The following DMD variants were observed in gnomAD, a reference collection of about 807,000 sequenced individuals.
DMD encodes mutant dystrophin.
Under a neutral mutation model 330.1 loss-of-function variants are expected in DMD, and 63 were observed. The ratio of observed to expected loss-of-function variants is 0.19; its 90% CI spans 0.16 to 0.24. DMD has a LOEUF of 0.24. Ranked by LOEUF, DMD falls within the 10% of genes least tolerant of loss-of-function variation. DMD has a pLI of 1.00. For missense variants in DMD, 3,344 were observed against 2,684.1 expected, an observed-to-expected ratio of 1.25 and a Z score of -5.43; for synonymous variants, 1,223 against 959.8, an observed-to-expected ratio of 1.27 and a Z score of -5.07.
At chrX:31,797,992 A>AT (rs1187618218) in intron 50 of DMD, among the ~76,000 whole-genome samples, 4 of 112,043 alleles carry the variant, frequency 3.6e-5, no homozygotes, top group Admixed American at 2.8e-4. Flanking sequence ...CTACTGCAAT[A>AT]TTTTTTTGTT....
intron 2 of DMD, among the ~76,000 whole-genome samples, chrX:32,882,272 C>T (rs1210492638): frequency 9.0e-6 from 1 of 111,467 alleles, no homozygotes; most frequent in African/African-American, 3.3e-5. Flanking sequence ...TAATTCTAAC[C>T]TTTTGTCTTC....
intron 44 of DMD, among the ~76,000 whole-genome samples, chrX:31,992,770 A>C (rs2095559415): frequency 8.9e-6 from 1 of 111,783 alleles, no homozygotes; most frequent in Non-Finnish European, 1.9e-5. Context: ...ACTAGAAATA[A>C]ATTAAAATTC....
intron 7 of DMD, among the ~76,000 whole-genome samples, chrX:32,780,284 C>T (rs73621830): frequency 1.8e-5 from 2 of 111,992 alleles, no homozygotes. Context: ...TACTAGAAGC[C>T]GACATTCTTA....
At chrX:32,784,981 T>G (rs939555595) in intron 7 of DMD, among the ~76,000 whole-genome samples, 2 of 111,112 alleles carry the variant, frequency 1.8e-5, no homozygotes, top group African/African-American at 6.5e-5. Flanking sequence ...TCAATAGACA[T>G]TTGATGAATT....
At chrX:32,882,688 CTTT>C (rs1223836896) in intron 2 of DMD, among the ~76,000 whole-genome samples, 7 of 112,345 alleles carry the variant, frequency 6.2e-5, no homozygotes, top group Non-Finnish European at 1.3e-4. Flanking sequence ...GAGTCAAAAA[CTTT>C]TTTAAAAATT....
At chrX:32,891,597 T>A (rs1292820148) in intron 2 of DMD, among the ~76,000 whole-genome samples, 1 of 111,751 alleles carries the variant, frequency 8.9e-6, no homozygotes, top group Non-Finnish European at 1.9e-5. Flanking sequence ...CTTATTCTAC[T>A]CCAACACTTT....
intron 64 of DMD, among the ~76,000 whole-genome samples, chrX:31,216,869 C>A (rs2045464003): frequency 8.9e-6 from 1 of 111,745 alleles, no homozygotes; most frequent in Non-Finnish European, 1.9e-5. Context: ...ACAACTCCAG[C>A]CTGTACCAAA....
At chrX:32,967,170 T>G (rs1313627014) in intron 2 of DMD, among the ~76,000 whole-genome samples, 3 of 111,495 alleles carry the variant, frequency 2.7e-5, no homozygotes, top group African/African-American at 9.8e-5. Context: ...TCCTCTTTCA[T>G]CCCTCCCAGC....
At chrX:31,988,691 C>T (rs67632566) in intron 44 of DMD, among the ~76,000 whole-genome samples, 19,101 of 108,858 alleles carry the variant, frequency 0.18, 1,465 homozygotes, top group South Asian at 0.33. Flanking sequence ...ACCTTTTATA[C>T]CAATTTTATA....
In DMD at chrX:32,828,686, T is replaced by C. The variant is rs747297748; in HGVS notation, c.265-5299A>G. Among the ~76,000 whole-genome samples, 11 of 110,453 alleles carry C rather than the reference T, an allele frequency of 1.0e-4. No homozygotes were observed. The South Asian group carries it at 4.2e-3, about 42-fold the overall frequency. On this transcript the variant is annotated intron_variant, in intron 4 of 78. Transcript: ENST00000357033. Reference sequence around the variant, plus strand: ...ATACACACACATATATACACATATATATGTAATTTTAGTAGGTGTTTCCAC... The same window carrying C: ...ATACACACACATATATACACATATACATGTAATTTTAGTAGGTGTTTCCAC...
chrX:32,219,557 T>C (rs756413813), intron 43 of DMD, among the ~76,000 whole-genome samples: 9 of 111,594 alleles, frequency 8.1e-5, no homozygotes, highest in Admixed American at 4.8e-4. Flanking sequence ...CATATGCAAA[T>C]GACTGCTAAC....
At chrX:32,823,145 A>G (rs2078412905) in intron 5 of DMD, 150 bp downstream of exon 5, 1 of 466,590 alleles carries the variant, frequency 2.1e-6, no homozygotes, top group Non-Finnish European at 3.8e-6. Context: ...TTAACATTTC[A>G]GACGACATGG....
At chrX:31,849,054 G>GA (rs1461315148) in intron 48 of DMD, among the ~76,000 whole-genome samples, 3 of 109,964 alleles carry the variant, frequency 2.7e-5, no homozygotes, top group African/African-American at 9.9e-5. Context: ...GTACAAAAAG[G>GA]AAAAAATTCT....
intron 43 of DMD, among the ~76,000 whole-genome samples, chrX:32,262,459 C>T (rs959665814): frequency 9.0e-6 from 1 of 111,250 alleles, no homozygotes; most frequent in African/African-American, 3.3e-5. Context: ...TATGTCAAAA[C>T]TTATCAAATT....
At chrX:32,469,307 C>T (rs1394726149) in intron 22 of DMD, among the ~76,000 whole-genome samples, 3 of 109,728 alleles carry the variant, frequency 2.7e-5, no homozygotes, top group Admixed American at 2.0e-4. Context: ...TTTAGACTTC[C>T]CCTGTTCAAT....
At chrX:32,890,458 C>T (rs771181718) in intron 2 of DMD, among the ~76,000 whole-genome samples, 12 of 109,901 alleles carry the variant, frequency 1.1e-4, no homozygotes, top group African/African-American at 3.3e-4. Context: ...GAGGGGGACT[C>T]ATTATCTGGG....
At chrX:32,849,622 A>G in intron 3 of DMD, 106 bp downstream of exon 3, 4 of 605,520 alleles carry the variant, frequency 6.6e-6, no homozygotes, top group East Asian at 3.5e-5. Flanking sequence ...TGCTGTTTCA[A>G]TCAGTACCTA....
chrX:32,981,333 T>C (rs931777524), intron 2 of DMD, among the ~76,000 whole-genome samples: 1 of 111,973 alleles, frequency 8.9e-6, no homozygotes, highest in African/African-American at 3.2e-5. Flanking sequence ...TGACTGATGA[T>C]AGGCCATTCA....
chrX:32,010,353 C>A (rs2095697321), intron 44 of DMD, among the ~76,000 whole-genome samples: 1 of 111,596 alleles, frequency 9.0e-6, no homozygotes, highest in African/African-American at 3.3e-5. Context: ...TCAATGACGT[C>A]ACACTGGTAG....
Sources: gnomAD v4.1 joint callset for allele counts (sites outside exome capture counted in the v4.1 genomes callset) on GRCh38, gnomAD v4.1.1 for gene constraint, MANE v1.5 for transcripts, NCBI Gene and HGNC (gene_info 2026-07-23, HGNC 2026-07-21) for gene names.